SCHIP1: variants seen among roughly 807,000 people sequenced by gnomAD.
The protein encoded by SCHIP1 is schwannomin interacting protein 1, also known as schwannomin-interacting protein 1.
In SCHIP1, 8 loss-of-function variants were observed where a neutral mutation model predicts 29.7. The observed-to-expected ratio is 0.27, with a 90% CI of 0.16 to 0.49. The LOEUF is 0.49. Among genes scored for constraint, SCHIP1 ranks in the 20% least tolerant of loss-of-function variants. The probability of loss-of-function intolerance (pLI) is 0.99; values close to 1 mark genes in which losing one functional copy is unlikely to be tolerated. For synonymous variants in SCHIP1, 76 were observed against 94.9 expected, an observed-to-expected ratio of 0.80 and a Z score of 1.16; for missense variants, 193 against 294.6, an observed-to-expected ratio of 0.66 and a Z score of 2.52.
the SCHIP1 span, among the ~76,000 whole-genome samples, chr3:159,497,379 A>T: frequency 1.2e-3 from 178 of 152,138 alleles, no homozygotes; most frequent in African/African-American, 4.2e-3. Context: ...TCACAGCCAC[A>T]TTATAACAGT....
the SCHIP1 span, among the ~76,000 whole-genome samples, chr3:159,413,763 T>G: frequency 6.6e-6 from 1 of 152,236 alleles, no homozygotes; most frequent in East Asian, 1.9e-4. Flanking sequence ...ATGGCCCTAC[T>G]GTCACTTTCT....
chr3:159,277,705 TGA>T, the SCHIP1 span, among the ~76,000 whole-genome samples: 4,044 of 152,146 alleles, frequency 0.027, 76 homozygotes, highest in Non-Finnish European at 0.038. Flanking sequence ...GTGGATCACC[TGA>T]GGTCAGGAGT....
intron 1 of SCHIP1, among the ~76,000 whole-genome samples, chr3:159,851,559 C>CTATTGTTA (rs1553795543): frequency 3.0e-4 from 46 of 152,204 alleles, no homozygotes; most frequent in Admixed American, 1.6e-3. Flanking sequence ...TAAAGGGTAG[C>CTATTGTTA]TGTTAATATA....
chr3:159,599,378 C>A, the SCHIP1 span, among the ~76,000 whole-genome samples: 4 of 152,102 alleles, frequency 2.6e-5, no homozygotes, highest in South Asian at 2.1e-4. Flanking sequence ...TACACTGTAC[C>A]CAATGTGGTG....
At chr3:159,879,371 G>A (rs1340184500) in intron 2 of SCHIP1, among the ~76,000 whole-genome samples, 1 of 151,374 alleles carries the variant, frequency 6.6e-6, no homozygotes, top group Non-Finnish European at 1.5e-5. Flanking sequence ...TAAAGTATCA[G>A]TGTTGTGATA....
intron 1 of SCHIP1, among the ~76,000 whole-genome samples, chr3:159,858,167 T>A (rs1425431641): frequency 6.6e-6 from 1 of 152,222 alleles, no homozygotes; most frequent in Non-Finnish European, 1.5e-5. Context: ...AAAATAGAGT[T>A]GCCAGATAAC....
At chr3:159,588,733 A>G in the SCHIP1 span, among the ~76,000 whole-genome samples, 8 of 152,230 alleles carry the variant, frequency 5.3e-5, no homozygotes, top group South Asian at 1.5e-3. Context: ...TCCTTTCCCC[A>G]TTTCTTGTTT....
chr3:159,498,414 C>T, the SCHIP1 span, among the ~76,000 whole-genome samples: 1 of 152,154 alleles, frequency 6.6e-6, no homozygotes, highest in Non-Finnish European at 1.5e-5. Context: ...AAAGGTTAGG[C>T]AGATTAACTA....
the SCHIP1 span, among the ~76,000 whole-genome samples, chr3:159,298,080 C>T: frequency 7.2e-5 from 11 of 152,266 alleles, no homozygotes; most frequent in South Asian, 2.3e-3. Context: ...TCCTCATTGT[C>T]CAGAGAGTGC....
the SCHIP1 span, among the ~76,000 whole-genome samples, chr3:159,628,594 T>C: frequency 1.2e-4 from 19 of 152,034 alleles, no homozygotes; most frequent in Middle Eastern, 0.01. Flanking sequence ...ACACAAACAT[T>C]CTAGAAATGG....
chr3:159,423,234 C>T, the SCHIP1 span, among the ~76,000 whole-genome samples: 5 of 152,280 alleles, frequency 3.3e-5, no homozygotes, highest in South Asian at 2.1e-4. Flanking sequence ...GCACCATGCG[C>T]AAGGTGAAGC....
At chr3:159,790,020 C>T in the SCHIP1 span, among the ~76,000 whole-genome samples, 3 of 152,266 alleles carry the variant, frequency 2.0e-5, no homozygotes, top group Admixed American at 2.0e-4. Context: ...CCGCTCCCAC[C>T]GCCAGAAGGG....
chr3:159,741,940 G>A, the SCHIP1 span, among the ~76,000 whole-genome samples: 1 of 152,160 alleles, frequency 6.6e-6, no homozygotes, highest in South Asian at 2.1e-4. Flanking sequence ...GAGTCAAAAA[G>A]AAAAAGGAGG....
At chr3:159,389,618 A>G in the SCHIP1 span, among the ~76,000 whole-genome samples, 1 of 152,112 alleles carries the variant, frequency 6.6e-6, no homozygotes, top group Non-Finnish European at 1.5e-5. Context: ...ATAGAAAAAA[A>G]TGGAACAATA....
the SCHIP1 span, among the ~76,000 whole-genome samples, chr3:159,616,137 T>C: frequency 1.5e-5 from 2 of 136,006 alleles, no homozygotes; most frequent in African/African-American, 7.5e-5. Flanking sequence ...CCTGGAATAC[T>C]ATGAGTAGAG....
chr3:159,871,903 T>C (rs1398396108), intron 2 of SCHIP1, among the ~76,000 whole-genome samples: 6 of 152,126 alleles, frequency 3.9e-5, no homozygotes, highest in Non-Finnish European at 2.9e-5. Context: ...AGAGGGTCCT[T>C]TCAGGTGTTA....
chr3:159,410,113 C>T, the SCHIP1 span, among the ~76,000 whole-genome samples: 2 of 152,092 alleles, frequency 1.3e-5, no homozygotes, highest in African/African-American at 2.4e-5. Context: ...TCACCATATA[C>T]AACAATCAAA....
the SCHIP1 span, among the ~76,000 whole-genome samples, chr3:159,781,863 C>T: frequency 6.6e-6 from 1 of 152,324 alleles, no homozygotes; most frequent in South Asian, 2.1e-4. Context: ...AGCCTTCATA[C>T]CCTTGCCACT....
the SCHIP1 span, among the ~76,000 whole-genome samples, chr3:159,683,457 T>C: frequency 7.2e-5 from 11 of 152,150 alleles, no homozygotes; most frequent in Admixed American, 6.6e-4. Context: ...CAATCGTTTT[T>C]GTAATATTCT....
Sources: allele counts gnomAD v4.1 joint callset (sites outside exome capture counted in the v4.1 genomes callset), GRCh38; gene constraint gnomAD v4.1.1; transcripts MANE v1.5; gene names NCBI Gene and HGNC (gene_info 2026-07-23, HGNC 2026-07-21).